MYCT1: variants seen among roughly 807,000 people sequenced by gnomAD.
The protein encoded by MYCT1 is MYC target 1.
Under a neutral mutation model 15.0 loss-of-function variants are expected in MYCT1, and 12 were observed. The ratio of observed to expected loss-of-function variants is 0.80; its 90% CI spans 0.51 to 1.29. MYCT1 has a LOEUF of 1.29. Among genes scored for constraint, MYCT1 ranks in the 50% most tolerant of loss-of-function variants. MYCT1 has a pLI of 0.00. For synonymous variants in MYCT1, 104 were observed against 102.7 expected, an observed-to-expected ratio of 1.01 and a Z score of -0.07; for missense variants, 287 against 279.1, an observed-to-expected ratio of 1.03 and a Z score of -0.20.
the MYCT1 span, among the ~76,000 whole-genome samples, chr6:152,731,598 C>G: frequency 2.4e-4 from 37 of 152,222 alleles, no homozygotes; most frequent in South Asian, 4.1e-3. Context: ...TCAATTCCCA[C>G]CTATGAGTGA....
At chr6:152,735,726 C>T in the MYCT1 span, among the ~76,000 whole-genome samples, 3 of 151,956 alleles carry the variant, frequency 2.0e-5, no homozygotes, top group Non-Finnish European at 4.4e-5. Context: ...AGTATTATAA[C>T]ATTTTGAAAT....
the MYCT1 span, among the ~76,000 whole-genome samples, chr6:152,746,062 G>A: frequency 6.6e-6 from 1 of 152,194 alleles, no homozygotes. Context: ...GAGAATAGAT[G>A]TAGTGGTAGA....
intron 1 of MYCT1, among the ~76,000 whole-genome samples, chr6:152,701,590 AG>A (rs2099721331): frequency 6.6e-6 from 1 of 151,738 alleles, no homozygotes; most frequent in Non-Finnish European, 1.5e-5. Flanking sequence ...GGAGGGGTGG[AG>A]GGGTTATATA....
the MYCT1 span, among the ~76,000 whole-genome samples, chr6:152,742,755 A>G: frequency 2.6e-5 from 4 of 152,212 alleles, no homozygotes; most frequent in South Asian, 8.3e-4. Flanking sequence ...ATCACACATA[A>G]TGTATGATTG....
the MYCT1 span, among the ~76,000 whole-genome samples, chr6:152,742,611 A>G: frequency 6.6e-6 from 1 of 152,180 alleles, no homozygotes; most frequent in East Asian, 1.9e-4. Flanking sequence ...TGGAAGAAAA[A>G]AGGTTGTAAC....
At chr6:152,738,539 C>T in the MYCT1 span, among the ~76,000 whole-genome samples, 7 of 152,072 alleles carry the variant, frequency 4.6e-5, no homozygotes, top group East Asian at 7.7e-4. Flanking sequence ...CTTCTCCACT[C>T]GTTAACTAAA....
chr6:152,698,186 GACATTTTGTTT>G (rs2099720735), intron 1 of MYCT1, 88 bp downstream of exon 1: 1 of 757,522 alleles, frequency 1.3e-6, no homozygotes, highest in Admixed American at 3.6e-5. Flanking sequence ...AAATCTCTGA[GACATTTTGTTT>G]ACTATAATGT....
At chr6:152,739,213 A>T in the MYCT1 span, among the ~76,000 whole-genome samples, 1 of 151,760 alleles carries the variant, frequency 6.6e-6, no homozygotes, top group Non-Finnish European at 1.5e-5. Context: ...ACATTATTTT[A>T]TATTGATTGG....
intron 1 of MYCT1, among the ~76,000 whole-genome samples, chr6:152,703,437 A>G (rs1341130960): frequency 6.6e-6 from 1 of 152,190 alleles, no homozygotes. Context: ...TACAGTGAAC[A>G]TCCATATACC....
chr6:152,732,583 A>G, the MYCT1 span, among the ~76,000 whole-genome samples: 2,669 of 152,346 alleles, frequency 0.018, 73 homozygotes, highest in African/African-American at 0.061. Flanking sequence ...TAGTCTTTGA[A>G]CAATGTAATT....
In MYCT1 at chr6:152,722,700, G is replaced by A; in HGVS notation, c.*447G>A. On this transcript the variant is annotated 3_prime_UTR_variant, in exon 2 of 2. Transcript: ENST00000367245. ...ATTTGGATTTTACTTTCTTTAGAAT[G>A]ACAAGTGAATCATATTGACATTTTA... 3.0e-6 allele frequency: 1 copy of A among 329,514 alleles called. No homozygotes were observed. The highest frequency in any genetic ancestry group is 2.2e-5 in the African/African-American group (1 of 45,642). The allele number at this position is 329,514 out of a possible 1,614,324, so 20.4% of individuals were successfully genotyped here.
At chr6:152,715,330 T>C (rs1166665453) in intron 1 of MYCT1, among the ~76,000 whole-genome samples, 3 of 152,206 alleles carry the variant, frequency 2.0e-5, no homozygotes, top group Non-Finnish European at 4.4e-5. Context: ...CCCTCACCTC[T>C]AGCAATACTG....
chr6:152,715,767 A>C (rs7764132), intron 1 of MYCT1, among the ~76,000 whole-genome samples: 9,957 of 152,190 alleles, frequency 0.065, 514 homozygotes, highest in East Asian at 0.17. Context: ...AATTTTAGGA[A>C]TAGATTACAA....
At position 152,712,491 on chromosome 6, in the gene MYCT1, C is replaced by T. The variant is rs1288787861; in HGVS notation, c.197-9251C>T. Among the ~76,000 whole-genome samples the T allele has an allele frequency of 6.9e-5, 5 of 72,130 alleles. 2 individuals carry two copies. Among genetic ancestry groups the T allele is most frequent in the Non-Finnish European group, 9.9e-5 (3 of 30,230 alleles). 47.3% of individuals were successfully genotyped at this position (72,130 alleles called of 152,430 possible). On this transcript the variant is annotated intron_variant, in intron 1 of 1. Transcript: ENST00000367245. ...CAATGCCTCGCCCTGCTTCGGCTCGCGCACGGTGCGCACACACACTGGCCT... is the reference window on the plus strand; with the variant it reads ...CAATGCCTCGCCCTGCTTCGGCTCGTGCACGGTGCGCACACACACTGGCCT...
At chr6:152,743,565 G>A in the MYCT1 span, among the ~76,000 whole-genome samples, 6 of 152,158 alleles carry the variant, frequency 3.9e-5, no homozygotes, top group East Asian at 7.7e-4. Flanking sequence ...TTGCTCAACC[G>A]TCCCGGTAAA....
chr6:152,723,222 A>G lies in MYCT1; in HGVS notation c.*969A>G, dbSNP rs1230182226. ...TTATGTGTTTTTCCCAAGAATAGTT[A>G]TCTACTTCCTGGAGGCAAAATCCTT... On this transcript the variant is annotated 3_prime_UTR_variant, in exon 2 of 2. Coordinates refer to ENST00000367245, the MANE Select transcript of MYCT1 (RefSeq NM_025107.3). The G allele has an allele frequency of 6.6e-6, 1 of 152,196 alleles. No individual in the cohort carries two copies. The highest frequency in any genetic ancestry group is 1.5e-5 in the Non-Finnish European group (1 of 68,032). 9.4% of individuals were successfully genotyped at this position (152,196 alleles called of 1,614,324 possible). A position where few individuals can be genotyped will look rare whatever the true frequency, so the allele number is the denominator to read the frequency against.
rs1367718823 is a variant in MYCT1, at chr6:152,723,217, T to C, written c.*964T>C. On this transcript the variant is annotated 3_prime_UTR_variant, in exon 2 of 2. Coordinates refer to ENST00000367245, the MANE Select transcript of MYCT1 (RefSeq NM_025107.3). Reference sequence around the variant, plus strand: ...ACTCTTTATGTGTTTTTCCCAAGAATAGTTATCTACTTCCTGGAGGCAAAA... The same window carrying C: ...ACTCTTTATGTGTTTTTCCCAAGAACAGTTATCTACTTCCTGGAGGCAAAA... The C allele has an allele frequency of 1.3e-5, 2 of 152,206 alleles. No individual in the cohort carries two copies. Among genetic ancestry groups the C allele is most frequent in the African/African-American group, 4.8e-5 (2 of 41,462 alleles). 9.4% of individuals were successfully genotyped at this position (152,206 alleles called of 1,614,324 possible). A position where few individuals can be genotyped will look rare whatever the true frequency, so the allele number is the denominator to read the frequency against.
chr6:152,728,460 G>A (rs903911030), downstream of MYCT1, among the ~76,000 whole-genome samples: 26 of 152,044 alleles, frequency 1.7e-4, no homozygotes, highest in African/African-American at 6.3e-4. Flanking sequence ...TTTACATAAA[G>A]AGCTCACAGG....
chr6:152,739,507 A>G, the MYCT1 span, among the ~76,000 whole-genome samples: 1 of 151,864 alleles, frequency 6.6e-6, no homozygotes, highest in Non-Finnish European at 1.5e-5. Flanking sequence ...GCAAGATGAG[A>G]GTTTCTATAA....
Sources: gnomAD v4.1 joint callset for allele counts (sites outside exome capture counted in the v4.1 genomes callset) on GRCh38, gnomAD v4.1.1 for gene constraint, MANE v1.5 for transcripts, NCBI Gene and HGNC (gene_info 2026-07-23, HGNC 2026-07-21) for gene names.